ARHGAP17: variants seen among roughly 807,000 people sequenced by gnomAD.
The protein encoded by ARHGAP17 is Rho GTPase activating protein 17, also known as rho GTPase-activating protein 17.
ARHGAP17 carries 57 observed loss-of-function variants against 99.5 expected under a neutral mutation model. That is an observed-to-expected ratio of 0.57 (90% confidence interval 0.46 to 0.71). ARHGAP17 has a LOEUF of 0.71. ARHGAP17 is among the 30% of genes least tolerant of loss of function. The pLI is 0.00. For synonymous variants in ARHGAP17, 417 were observed against 429.6 expected, an observed-to-expected ratio of 0.97 and a Z score of 0.36; for missense variants, 1,000 against 1,122.4, an observed-to-expected ratio of 0.89 and a Z score of 1.56.
In ARHGAP17 at chr16:24,968,688, G is replaced by A. The variant is rs201632585; in HGVS notation, c.357C>T (p.Ile119=). 4.3e-6 allele frequency: 7 copies of A among 1,614,042 alleles called. No individual in the cohort carries two copies. Among genetic ancestry groups the A allele is most frequent in the South Asian group, 1.1e-5 (1 of 91,088 alleles). Residue 119 remains isoleucine (I), a synonymous_variant, in exon 5 of 20, where the codon ATC becomes ATT. Transcript: ENST00000289968. The part of the protein sequence containing the change: ...SQHEVFVEKE[I]VDPLYGIAEV... ...CAGCTATGCCGTACAGAGGGTCCAC[G>A]ATCTCCTTCTCAACAAAGACTTCGT...
intron 18 of ARHGAP17, among the ~76,000 whole-genome samples, chr16:24,932,729 T>C (rs1267521896): frequency 6.6e-6 from 1 of 151,998 alleles, no homozygotes; most frequent in Non-Finnish European, 1.5e-5. Context: ...CCAGCTGAGA[T>C]CAGGGATAGG....
chr16:24,961,807 T>A (rs1234550612), intron 7 of ARHGAP17, among the ~76,000 whole-genome samples: 1 of 150,840 alleles, frequency 6.6e-6, no homozygotes, highest in Non-Finnish European at 1.5e-5. Flanking sequence ...GTGCTAGGAT[T>A]ACAGATGTGA....
At chr16:24,949,692 A>C (rs2051577212) in intron 12 of ARHGAP17, among the ~76,000 whole-genome samples, 1 of 152,206 alleles carries the variant, frequency 6.6e-6, no homozygotes, top group African/African-American at 2.4e-5. Flanking sequence ...TGGATGTGCA[A>C]AACAGGGTAA....
chr16:24,999,117 A>G (rs1374768193), intron 1 of ARHGAP17, among the ~76,000 whole-genome samples: 1 of 152,204 alleles, frequency 6.6e-6, no homozygotes, highest in African/African-American at 2.4e-5. Context: ...CATCAGTGAA[A>G]AGTGGAGCCT....
chr16:24,942,747 G>A (rs1354991106), intron 15 of ARHGAP17, among the ~76,000 whole-genome samples: 3 of 141,534 alleles, frequency 2.1e-5, no homozygotes, highest in East Asian at 2.0e-4. Context: ...CAGCCTGGGC[G>A]ACAGAGCAAG....
intron 3 of ARHGAP17, among the ~76,000 whole-genome samples, 175 bp downstream of exon 3, chr16:24,977,040 G>A (rs2052538989): frequency 2.0e-5 from 3 of 152,236 alleles, no homozygotes. Context: ...CCAGCCCAGC[G>A]ATGTCTTAAA....
Position 24,987,129 on chromosome 16 carries a change from A to T in ARHGAP17, c.54-8124T>A, listed in dbSNP as rs1015647595. ...AACAATAAACATTTCAGGCTTGCAGACCATACTGTCTCTATGTAATGACTC... is the reference window on the plus strand; with the variant it reads ...AACAATAAACATTTCAGGCTTGCAGTCCATACTGTCTCTATGTAATGACTC... On this transcript the variant is annotated intron_variant, in intron 1 of 19. Transcript: ENST00000289968. Among the ~76,000 whole-genome samples the T allele has an allele frequency of 2.6e-5, 4 of 152,240 alleles. No individual in the cohort carries two copies. In the East Asian group the frequency reaches 5.8e-4, roughly 22 times the overall value.
At chr16:24,999,250 T>A (rs911694880) in intron 1 of ARHGAP17, among the ~76,000 whole-genome samples, 8 of 152,198 alleles carry the variant, frequency 5.3e-5, no homozygotes, top group African/African-American at 1.9e-4. Context: ...GCGGAGTTCT[T>A]AAAATTACTA....
rs773611148 is a variant in ARHGAP17 at position 24,931,253 on chromosome 16, C to A, written c.2046G>T (p.Thr682=). The change falls in exon 19 of 20, where the codon ACG becomes ACT. Residue 682 remains threonine, a synonymous_variant. Coordinates refer to ENST00000289968, the MANE Select transcript of ARHGAP17 (RefSeq NM_001006634.3). ...CGGAGGGCTGGCCTGGAGGCTGGCC[C>A]GTGTGCTGGGTGGGAGGAGAGGGGC... ...TRSPSPPTQH[T]GQPPGQPSAP... 1 of 1,229,238 alleles carries A rather than the reference C, an allele frequency of 8.1e-7. No individual in the cohort carries two copies. The allele number at this position is 1,229,238 out of a possible 1,614,324, so 76.1% of individuals were successfully genotyped here. A position where few individuals can be genotyped will look rare whatever the true frequency, so the allele number is the denominator to read the frequency against.
chr16:24,942,211 C>T (rs751846633), intron 15 of ARHGAP17, 68 bp from the exon 16 acceptor site: 37 of 1,482,970 alleles, frequency 2.5e-5, no homozygotes, highest in Admixed American at 4.2e-5. Context: ...TCTAAGACAC[C>T]CCTCATTGGA....
At chr16:25,006,173 T>A (rs2053499496) in intron 1 of ARHGAP17, among the ~76,000 whole-genome samples, 1 of 151,416 alleles carries the variant, frequency 6.6e-6, no homozygotes, top group Non-Finnish European at 1.5e-5. Context: ...AGCACCTAAT[T>A]AAGGTAACAG....
At chr16:24,971,703 C>A (rs539833501) in intron 3 of ARHGAP17, among the ~76,000 whole-genome samples, 1 of 152,306 alleles carries the variant, frequency 6.6e-6, no homozygotes, top group African/African-American at 2.4e-5. Flanking sequence ...AGCTAAAGAG[C>A]CAGTTTTTGT....
chr16:24,962,326 T>A (rs1260155533), intron 7 of ARHGAP17, among the ~76,000 whole-genome samples: 1 of 152,166 alleles, frequency 6.6e-6, no homozygotes, highest in African/African-American at 2.4e-5. Flanking sequence ...ATATCATGCA[T>A]AAAGATAAGA....
chr16:25,011,760 T>G (rs1004751960), intron 1 of ARHGAP17, among the ~76,000 whole-genome samples: 1 of 151,956 alleles, frequency 6.6e-6, no homozygotes, highest in Non-Finnish European at 1.5e-5. Context: ...CACTACTTAT[T>G]AGAGGCTCTT....
chr16:24,922,582 G>A (rs1178537645), intron 19 of ARHGAP17, among the ~76,000 whole-genome samples: 2 of 151,950 alleles, frequency 1.3e-5, no homozygotes, highest in Non-Finnish European at 2.9e-5. Flanking sequence ...AAGAAACAAT[G>A]ACTTTGTTTA....
intron 1 of ARHGAP17, among the ~76,000 whole-genome samples, chr16:24,993,832 C>T (rs1461179245): frequency 6.6e-6 from 1 of 152,200 alleles, no homozygotes; most frequent in African/African-American, 2.4e-5. Context: ...AAAAATACAT[C>T]CCTTAACCTT....
chr16:24,997,811 A>G (rs1208707393), intron 1 of ARHGAP17, among the ~76,000 whole-genome samples: 2 of 152,212 alleles, frequency 1.3e-5, no homozygotes, highest in Non-Finnish European at 2.9e-5. Flanking sequence ...ATATGAAGGT[A>G]CAATGAGGTC....
intron 19 of ARHGAP17, among the ~76,000 whole-genome samples, chr16:24,924,550 A>G (rs998308733): frequency 6.6e-6 from 1 of 151,914 alleles, no homozygotes; most frequent in African/African-American, 2.4e-5. Context: ...ACAACCAAAG[A>G]GGTTTAGGGT....
intron 1 of ARHGAP17, among the ~76,000 whole-genome samples, chr16:24,980,672 G>A (rs1194345989): frequency 6.6e-6 from 1 of 152,164 alleles, no homozygotes; most frequent in East Asian, 1.9e-4. Context: ...AAAGAAACCT[G>A]ACAGTCAGCC....
Sources: allele counts gnomAD v4.1 joint callset (sites outside exome capture counted in the v4.1 genomes callset), GRCh38; gene constraint gnomAD v4.1.1; transcripts MANE v1.5; gene names NCBI Gene and HGNC (gene_info 2026-07-23, HGNC 2026-07-21).